Variants in NTM observed in about 807,000 individuals in gnomAD.
The protein encoded by NTM is neurotrimin, also known as IgLON family member 2.
A neutral mutation model predicts 42.1 loss-of-function variants in NTM; 13 were observed. The ratio of observed to expected loss-of-function variants is 0.31; its 90% confidence interval spans 0.20 to 0.49. The LOEUF (loss-of-function observed/expected upper bound fraction) is 0.49, where lower values mean the gene tolerates loss of function less well. Ranked by LOEUF, NTM falls within the 20% of genes least tolerant of loss-of-function variation. The pLI is 0.99. For missense variants in NTM, 373 were observed against 452.8 expected (o/e 0.82, Z 1.60); for synonymous variants, 187 against 179.2 (o/e 1.04, Z -0.35).
intron 1 of NTM, among the ~76,000 whole-genome samples, chr11:131,618,538 T>G (rs2062186306): frequency 6.6e-6 from 1 of 152,178 alleles, no homozygotes. Flanking sequence ...TTGACTCTGA[T>G]TCATTCCGGT....
chr11:132,317,231 C>T (rs570266811), intron 7 of NTM, among the ~76,000 whole-genome samples: 17 of 152,290 alleles, frequency 1.1e-4, no homozygotes, highest in Non-Finnish European at 2.1e-4. Flanking sequence ...GGAGCTCGTT[C>T]GTTCCTACCG....
At chr11:131,530,425 CAAAA>C (rs60376694) in intron 1 of NTM, among the ~76,000 whole-genome samples, 2,351 of 84,952 alleles carry the variant, frequency 0.028, 27 homozygotes, top group Non-Finnish European at 0.052. Flanking sequence ...GTGCCTTTCT[CAAAA>C]AAAAAAAAAA....
intron 4 of NTM, among the ~76,000 whole-genome samples, chr11:132,305,412 AT>A (rs1019017615): frequency 6.6e-6 from 1 of 152,184 alleles, no homozygotes; most frequent in African/African-American, 2.4e-5. Context: ...GAGCTAATTT[AT>A]TTCCTAATGC....
chr11:131,898,242 A>T (rs2052601339), intron 1 of NTM, among the ~76,000 whole-genome samples: 1 of 152,242 alleles, frequency 6.6e-6, no homozygotes, highest in Non-Finnish European at 1.5e-5. Context: ...AGTTCTCTGG[A>T]ATATGACTGC....
intron 1 of NTM, among the ~76,000 whole-genome samples, chr11:131,782,336 A>G (rs1369173781): frequency 6.6e-6 from 1 of 152,072 alleles, no homozygotes; most frequent in African/African-American, 2.4e-5. Flanking sequence ...AAATAGTCAC[A>G]AGAATAAATA....
chr11:131,436,730 A>G (rs545815052), intron 1 of NTM, among the ~76,000 whole-genome samples: 1 of 152,256 alleles, frequency 6.6e-6, no homozygotes, highest in South Asian at 2.1e-4. Flanking sequence ...TTTTCAAAAA[A>G]CCAGCTCCTA....
rs532645098 is a variant in NTM, at chr11:132,077,017, C to T, written c.168-69265C>T. On this transcript the variant is annotated intron_variant, in intron 2 of 8. Transcript: ENST00000683400. ...CCTAGAAGAGGATTTCTCTAAGTCA[C>T]TGACAAGTTGAAACTGCTTTCTTCA... Among the ~76,000 whole-genome samples the T allele has an allele frequency of 2.0e-5, 3 of 152,314 alleles. No individual in the cohort carries two copies. The South Asian group carries it at 6.2e-4, about 32-fold the overall frequency.
At chr11:132,092,362 G>A (rs891187413) in intron 2 of NTM, among the ~76,000 whole-genome samples, 2 of 152,104 alleles carry the variant, frequency 1.3e-5, no homozygotes, top group African/African-American at 4.8e-5. Flanking sequence ...CTGAAAATGG[G>A]AGATCTCACC....
intron 1 of NTM, among the ~76,000 whole-genome samples, chr11:131,808,950 A>G (rs1329178994): frequency 3.3e-5 from 5 of 152,264 alleles, no homozygotes; most frequent in Non-Finnish European, 2.9e-5. Flanking sequence ...CATCATTGAT[A>G]GAAGATACAT....
At chr11:131,571,087 C>A (rs2057399653) in intron 1 of NTM, among the ~76,000 whole-genome samples, 1 of 152,234 alleles carries the variant, frequency 6.6e-6, no homozygotes, top group African/African-American at 2.4e-5. Flanking sequence ...CACTTAGCTG[C>A]TCTGTGCCTC....
chr11:132,261,826 A>G (rs1268494154), intron 4 of NTM, among the ~76,000 whole-genome samples: 2 of 152,224 alleles, frequency 1.3e-5, no homozygotes, highest in African/African-American at 2.4e-5. Context: ...AAGCAGACAG[A>G]TCATGTTTGA....
intron 3 of NTM, among the ~76,000 whole-genome samples, chr11:132,208,741 C>G (rs1417359403): frequency 6.6e-6 from 1 of 152,170 alleles, no homozygotes; most frequent in African/African-American, 2.4e-5. Context: ...GGCCTGATTT[C>G]CACTTAAAAT....
intron 4 of NTM, among the ~76,000 whole-genome samples, chr11:132,287,822 T>C (rs1171020667): frequency 1.3e-5 from 2 of 152,202 alleles, no homozygotes; most frequent in African/African-American, 4.8e-5. Context: ...TTTGGGTCGG[T>C]ATGCATGTCC....
chr11:131,714,962 G>A (rs543378820), intron 1 of NTM, among the ~76,000 whole-genome samples: 5 of 152,358 alleles, frequency 3.3e-5, no homozygotes, highest in African/African-American at 1.2e-4. Flanking sequence ...ACAAGCCAAA[G>A]TGGTCATACA....
intron 1 of NTM, among the ~76,000 whole-genome samples, chr11:131,469,172 C>A (rs1043101409): frequency 4.6e-5 from 7 of 152,216 alleles, no homozygotes; most frequent in African/African-American, 1.7e-4. Flanking sequence ...CTCCCCTCCC[C>A]ACCCACTGCC....
At chr11:132,288,423 A>G (rs1035212959) in intron 4 of NTM, among the ~76,000 whole-genome samples, 1 of 152,102 alleles carries the variant, frequency 6.6e-6, no homozygotes, top group Non-Finnish European at 1.5e-5. Flanking sequence ...TATACCATAC[A>G]CTCTTAGCTA....
chr11:131,640,110 C>A (rs77255931), intron 1 of NTM, among the ~76,000 whole-genome samples: 6 of 152,156 alleles, frequency 3.9e-5, no homozygotes, highest in Non-Finnish European at 7.4e-5. Flanking sequence ...ATTCTGAGAA[C>A]GTCTTTTTGT....
chr11:131,518,826 T>A (rs928322436), intron 1 of NTM, among the ~76,000 whole-genome samples: 3 of 152,194 alleles, frequency 2.0e-5, no homozygotes, highest in Non-Finnish European at 4.4e-5. Flanking sequence ...TAAGTGCTTG[T>A]CTGGCTTAAG....
intron 1 of NTM, among the ~76,000 whole-genome samples, chr11:131,874,027 TATA>T (rs1565659268): frequency 3.4e-5 from 2 of 59,582 alleles, no homozygotes; most frequent in South Asian, 6.0e-4. Flanking sequence ...TATAATATAA[TATA>T]ATATATATAT....
Sources: allele counts gnomAD v4.1 joint callset (sites outside exome capture counted in the v4.1 genomes callset), GRCh38; gene constraint gnomAD v4.1.1; transcripts MANE v1.5; gene names NCBI Gene and HGNC (gene_info 2026-07-23, HGNC 2026-07-21).